Variants in DHX37 observed in about 807,000 individuals in gnomAD.
DHX37 encodes DEAH-box helicase 37, also known as probable ATP-dependent RNA helicase DHX37.
Under a neutral mutation model 134.3 loss-of-function variants are expected in DHX37, and 52 were observed. That is an observed-to-expected ratio of 0.39 (90% CI 0.31 to 0.49). The LOEUF (loss-of-function observed/expected upper bound fraction) is 0.49. Among genes scored for constraint, DHX37 ranks in the 20% least tolerant of loss-of-function variants. The pLI is 0.93. For missense variants in DHX37, 1,344 were observed against 1,580.8 expected, an observed-to-expected ratio of 0.85 and a Z score of 2.54; for synonymous variants, 634 against 670.7, an observed-to-expected ratio of 0.95 and a Z score of 0.85.
intron 18 of DHX37, among the ~76,000 whole-genome samples, chr12:124,954,432 G>C (rs191409082): frequency 4.5e-4 from 68 of 151,708 alleles, no homozygotes; most frequent in African/African-American, 1.6e-3. Context: ...GTCTCGCTCT[G>C]TCGCCCAGTG....
At chr12:124,962,218 C>A (rs559222057) in intron 15 of DHX37, among the ~76,000 whole-genome samples, 1 of 152,106 alleles carries the variant, frequency 6.6e-6, no homozygotes, top group African/African-American at 2.4e-5. Context: ...TCAAAAAAAA[C>A]CCCAGCAAAA....
intron 8 of DHX37, among the ~76,000 whole-genome samples, chr12:124,969,938 C>G (rs1434944299): frequency 6.6e-6 from 1 of 151,534 alleles, no homozygotes; most frequent in Admixed American, 6.6e-5. Context: ...AAACAAAAAC[C>G]ACCACCACAA....
chr12:124,976,053 T>C (rs1301636805), intron 5 of DHX37, among the ~76,000 whole-genome samples: 1 of 152,158 alleles, frequency 6.6e-6, no homozygotes, highest in Non-Finnish European at 1.5e-5. Flanking sequence ...GCGTCTAGGA[T>C]TTCGTTCCTG....
chr12:124,983,284 T>C (rs1288652968), intron 2 of DHX37, among the ~76,000 whole-genome samples: 3 of 151,908 alleles, frequency 2.0e-5, no homozygotes, highest in Non-Finnish European at 4.4e-5. Context: ...TAATTTTTTG[T>C]ATTTTTAGTA....
chr12:124,958,005 C>G (rs1012640516), intron 16 of DHX37, among the ~76,000 whole-genome samples: 2 of 152,158 alleles, frequency 1.3e-5, no homozygotes, highest in African/African-American at 4.8e-5. Flanking sequence ...ACAAAGGCCA[C>G]GCATTGTAGG....
rs186096474 is a variant in DHX37, at chr12:124,979,669, C to T, written c.738+821G>A. Among the ~76,000 whole-genome samples the T allele has an allele frequency of 3.3e-5, 5 of 152,264 alleles. No individual in the cohort carries two copies. The East Asian group carries it at 9.7e-4, about 29-fold the overall frequency. ...GACAGGATACGAATAGGGAAAAATT[C>T]ACAAAGAAAAGCAGGAACTGAAGTC... On this transcript the variant is annotated intron_variant, in intron 4 of 26. Transcript: ENST00000308736.
At chr12:124,975,382 C>A (rs371518865) in intron 6 of DHX37, 37 bp downstream of exon 6, 9 of 1,604,136 alleles carry the variant, frequency 5.6e-6, no homozygotes, top group African/African-American at 1.3e-5. Context: ...GCCACAGGAC[C>A]ACCCCATAGT....
Position 124,989,100 on chromosome 12 carries a change from A to C in DHX37, c.-78T>G. The C allele has an allele frequency of 3.2e-6, 3 of 949,364 alleles. No homozygotes were observed. The allele number at this position is 949,364 out of a possible 1,614,324, so 58.8% of individuals were successfully genotyped here. A position where few individuals can be genotyped will look rare whatever the true frequency, so the allele number is the denominator to read the frequency against. On this transcript the variant is annotated 5_prime_UTR_variant, in exon 1 of 27. Coordinates refer to ENST00000308736, the MANE Select transcript of DHX37 (RefSeq NM_032656.4). ...AAACCCAGCCCACGTGGGTTCCCAG[A>C]CCACCAACTCCGGCCGTGAGACTTC...
chr12:124,964,152 G>A (rs547228103), intron 15 of DHX37, among the ~76,000 whole-genome samples: 11 of 134,100 alleles, frequency 8.2e-5, no homozygotes, highest in East Asian at 4.7e-4. Flanking sequence ...TCGAGATCAC[G>A]CCATTGCATT....
intron 4 of DHX37, among the ~76,000 whole-genome samples, chr12:124,978,479 G>A (rs952284591): frequency 6.7e-6 from 1 of 149,612 alleles, no homozygotes; most frequent in Admixed American, 6.7e-5. Flanking sequence ...CACCATGCCT[G>A]GCTAATTTTT....
chr12:124,976,273 G>A (rs771151568), intron 5 of DHX37, among the ~76,000 whole-genome samples: 6 of 152,322 alleles, frequency 3.9e-5, no homozygotes, highest in South Asian at 2.1e-4. Context: ...TGCTGATCGC[G>A]TCCTTCGCTG....
chr12:124,957,616 A>C (rs1954124976), intron 16 of DHX37, among the ~76,000 whole-genome samples: 1 of 152,066 alleles, frequency 6.6e-6, no homozygotes, highest in African/African-American at 2.4e-5. Flanking sequence ...TGAAACCCCC[A>C]TCTCTACTAA....
Position 124,966,836 on chromosome 12 carries a change from T to C in DHX37, c.1547A>G (p.Lys516Arg), listed in dbSNP as rs752413620. The change falls in exon 12 of 27, where the codon AAG (lysine) becomes AGG (arginine). Residue 516 changes from lysine (K) to arginine (R), a missense_variant. By Grantham distance (26) the Lys-to-Arg change is conservative. Transcript: ENST00000308736. ...DQKDSVEEMR[K>R]FKKSRARAKK... Reference sequence around the variant, plus strand: ...GGCCCTGGCCCTTGACTTCTTAAACTTCCGCATTTCCTCCACCGAGTCTTT... The same window carrying C: ...GGCCCTGGCCCTTGACTTCTTAAACCTCCGCATTTCCTCCACCGAGTCTTT... The C allele has an allele frequency of 1.5e-5, 25 of 1,614,116 alleles. 1 individual carries two copies. In the South Asian group the frequency reaches 2.7e-4, roughly 18 times the overall value.
At chr12:124,963,713 C>CAA (rs140757458) in intron 15 of DHX37, among the ~76,000 whole-genome samples, 2 of 115,428 alleles carry the variant, frequency 1.7e-5, no homozygotes, top group African/African-American at 3.0e-5. Flanking sequence ...ACTAAAAATA[C>CAA]AAAAAAAAAA....
At chr12:124,983,520 C>T (rs1954798935) in intron 2 of DHX37, among the ~76,000 whole-genome samples, 1 of 151,944 alleles carries the variant, frequency 6.6e-6, no homozygotes, top group Non-Finnish European at 1.5e-5. Context: ...CACAGTGGCT[C>T]ACGCCTGCAA....
intron 2 of DHX37, among the ~76,000 whole-genome samples, chr12:124,983,810 C>CTCACAGGT (rs1376986854): frequency 6.6e-6 from 1 of 151,294 alleles, no homozygotes; most frequent in Non-Finnish European, 1.5e-5. Flanking sequence ...AAAGAACACG[C>CTCACAGGT]TCACAGGTGA....
At chr12:124,961,707 G>A (rs1363608696) in intron 15 of DHX37, among the ~76,000 whole-genome samples, 4 of 152,180 alleles carry the variant, frequency 2.6e-5, no homozygotes, top group African/African-American at 4.8e-5. Context: ...GATTACAGGC[G>A]TGAGCCATGG....
chr12:124,961,237 C>T (rs1594483913), intron 15 of DHX37, among the ~76,000 whole-genome samples: 4 of 125,290 alleles, frequency 3.2e-5, no homozygotes, highest in Admixed American at 3.2e-4. Context: ...CGCACACACA[C>T]ATACACGCGT....
In DHX37 at chr12:124,980,600, C is replaced by T. The variant is rs201247300; in HGVS notation, c.628G>A (p.Val210Met). 6.5e-4 allele frequency: 1,039 copies of T among 1,610,408 alleles called. 1 individual carries two copies. The highest frequency in any genetic ancestry group is 8.5e-4 in the Non-Finnish European group (1,004 of 1,179,738). ...PPAPAPSSQP[V>M]PAGMTVPPPP... is the part of the protein sequence containing the mutation. ...GGAGGAACAGTCATCCCAGCCGGCA[C>T]GGGCTGACTGCTGGGTGCTGGAGCT... The change falls in exon 4 of 27, where the codon GTG becomes ATG. Residue 210 changes from valine (V) to methionine (M), a missense_variant. Around this residue, in one of 7 missense-constraint regions of DHX37, gnomAD observed 319 missense variants for 296.1 expected, o/e 1.08. Coordinates refer to ENST00000308736, the MANE Select transcript of DHX37 (RefSeq NM_032656.4). The surrounding 1 kb of genome is among the most constrained non-coding windows in gnomAD (Gnocchi z 5.3).
Sources: gnomAD v4.1 joint callset for allele counts (sites outside exome capture counted in the v4.1 genomes callset) on GRCh38, gnomAD v4.1.1 for gene constraint, gnomAD v4.1.1 regional missense constraint, Gnocchi (gnomAD v3.1) non-coding constraint, MANE v1.5 for transcripts, NCBI Gene and HGNC (gene_info 2026-07-23, HGNC 2026-07-21) for gene names.